The following RPL7A variants were observed in gnomAD, a reference collection of about 807,000 sequenced individuals.
RPL7A encodes the protein large ribosomal subunit protein eL8.
For synonymous variants in RPL7A, 158 were observed against 128.2 expected, an observed-to-expected ratio of 1.23 and a Z score of -1.57; for missense variants, 291 against 338.2, an observed-to-expected ratio of 0.86 and a Z score of 1.09.
chr9:133,349,487 T>TG (rs1480844639), intron 2 of RPL7A, 64 bp from the exon 3 acceptor site: 1 of 1,604,318 alleles, frequency 6.2e-7, no homozygotes, highest in Non-Finnish European at 8.5e-7. Flanking sequence ...CCCTTCCTAG[T>TG]GGCCCCAGAC....
At chr9:133,349,809 T>G (rs1302820338) in intron 3 of RPL7A, 103 bp from the exon 4 acceptor site, 2 of 1,579,032 alleles carry the variant, frequency 1.3e-6, no homozygotes, top group Non-Finnish European at 1.7e-6. Context: ...GTCATTAAAT[T>G]ATAGTCATAT....
At chr9:133,350,828 A>C in intron 6 of RPL7A, 101 bp downstream of exon 6, 1 of 1,576,704 alleles carries the variant, frequency 6.3e-7, no homozygotes, top group Non-Finnish European at 8.7e-7. Context: ...AGTTTAAGAA[A>C]TATATTTATC....
rs2129988903 is a variant in RPL7A at position 133,349,830 on chromosome 9, C to T, written c.275-82C>T. The T allele has an allele frequency of 3.2e-6, 5 of 1,585,278 alleles. No homozygotes were observed. In the African/African-American group the frequency reaches 6.8e-5, roughly 21 times the overall value. Reference sequence around the variant, plus strand: ...AAATTATAGTCATATAGCAGGACCGCAGTCCAGCATTTGTTATTAAGTGTT... The same window carrying T: ...AAATTATAGTCATATAGCAGGACCGTAGTCCAGCATTTGTTATTAAGTGTT... On this transcript the variant is annotated intron_variant, in intron 3 of 7. Transcript: ENST00000323345.
chr9:133,350,430 A>T (rs1836359500), intron 5 of RPL7A, 111 bp downstream of exon 5: 1 of 1,491,954 alleles, frequency 6.7e-7, no homozygotes, highest in East Asian at 2.3e-5. Flanking sequence ...GGCAGTACTG[A>T]CACAGATCCA....
intron 5 of RPL7A, 120 bp from the exon 6 acceptor site, chr9:133,350,477 A>T (rs2129994000): frequency 6.4e-7 from 1 of 1,551,572 alleles, no homozygotes; most frequent in Non-Finnish European, 8.9e-7. Context: ...TGAATCTCTC[A>T]CTGAATTCAA....
In RPL7A at chr9:133,350,056, A is replaced by G. The variant is rs1836346702; in HGVS notation, c.415+4A>G. 6.2e-7 allele frequency: 1 copy of G among 1,613,804 alleles called. No homozygotes were observed. The highest frequency in any genetic ancestry group is 8.5e-7 in the Non-Finnish European group (1 of 1,180,044). On this transcript the variant is annotated splice_donor_region_variant and intron_variant, in intron 4 of 7. Transcript: ENST00000323345. ...AGACCACCTGTCCTTCGAGCAGGTG[A>G]GTAGGCCCCACCTTAGGGTGAACAC...
At position 133,351,325 on chromosome 9, in the gene RPL7A, G is replaced by C. The variant is rs748690917; in HGVS notation, c.760G>C (p.Glu254Gln). 1.2e-6 allele frequency: 2 copies of C among 1,613,562 alleles called. No individual in the cohort carries two copies. Among genetic ancestry groups the C allele is most frequent in the African/African-American group, 1.3e-5 (1 of 74,922 alleles). ...PKSVARIAKL[E>Q]KAKAKELATK... ...GTCTGTGGCTCGTATCGCCAAGCTC[G>C]AAAAGGCAAAGGCTAAAGAACTTGC... Residue 254 changes from glutamate (E) to glutamine (Q), a missense_variant, in exon 8 of 8, where the codon GAA becomes CAA. By Grantham distance (29) the Glu-to-Gln change is conservative (BLOSUM62 2). Transcript: ENST00000323345.
rs1588683259 is a variant in RPL7A at position 133,348,523 on chromosome 9, C to A, written c.3+277C>A. 6.6e-5 allele frequency: 40 copies of A among 602,612 alleles called. No homozygotes were observed. In the East Asian group the frequency reaches 1.1e-3, roughly 17 times the overall value. 37.3% of individuals were successfully genotyped at this position (602,612 alleles called of 1,614,324 possible). A position where few individuals can be genotyped will look rare whatever the true frequency, so the allele number is the denominator to read the frequency against. On this transcript the variant is annotated intron_variant, in intron 1 of 7. Transcript: ENST00000323345. ...AGGCCTGGAGCACCGCAGTGCGGGG[C>A]TCGGAGCCCTAGCGTCTCTCGGGCT...
chr9:133,350,926 G>C (rs1344473073), intron 6 of RPL7A, 76 bp from the exon 7 acceptor site: 1 of 1,544,672 alleles, frequency 6.5e-7, no homozygotes, highest in East Asian at 2.2e-5. Flanking sequence ...ACTGTCTTGA[G>C]CTAAAAGGTA....
chr9:133,349,412 G>T (rs2129985733), intron 2 of RPL7A, 139 bp from the exon 3 acceptor site: 27 of 1,083,730 alleles, frequency 2.5e-5, no homozygotes, highest in South Asian at 2.3e-4. Flanking sequence ...TGATGTAAAA[G>T]AATATTTGCT....
chr9:133,348,483 A>C, intron 1 of RPL7A: 2 of 623,196 alleles, frequency 3.2e-6, no homozygotes, highest in Non-Finnish European at 5.6e-6. Context: ...CCGGTGTCGC[A>C]GGGCTGGGTG....
intron 2 of RPL7A, 88 bp from the exon 3 acceptor site, chr9:133,349,463 C>T (rs2129986288): frequency 1.8e-5 from 28 of 1,514,084 alleles, no homozygotes; most frequent in African/African-American, 4.1e-5. Context: ...ACCAAGATCG[C>T]TGATGCACCA....
At chr9:133,348,332 C>T in intron 1 of RPL7A, 86 bp downstream of exon 1, 1 of 1,551,710 alleles carries the variant, frequency 6.4e-7, no homozygotes, top group South Asian at 1.1e-5. Flanking sequence ...CTCGGAGGGC[C>T]TCCTGCTCCT....
intron 2 of RPL7A, 47 bp from the exon 3 acceptor site, chr9:133,349,504 T>C: frequency 1.2e-6 from 2 of 1,613,714 alleles, no homozygotes; most frequent in Non-Finnish European, 1.7e-6. Flanking sequence ...AGACATGAAC[T>C]TGACATGGAA....
chr9:133,348,374 C>G, intron 1 of RPL7A, 128 bp downstream of exon 1: 5 of 1,308,622 alleles, frequency 3.8e-6, no homozygotes, highest in Non-Finnish European at 5.5e-6. Context: ...CTCGGTGTGG[C>G]ACGGAGACAC....
intron 1 of RPL7A, 41 bp downstream of exon 1, chr9:133,348,287 G>C: frequency 6.2e-7 from 1 of 1,613,982 alleles, no homozygotes; most frequent in Non-Finnish European, 8.5e-7. Flanking sequence ...GCCAGGTTCC[G>C]GCTGTATCCG....
rs2129991951 is a variant in RPL7A, at chr9:133,350,187, C to G, written c.416-53C>G. 7.4e-6 allele frequency: 12 copies of G among 1,611,232 alleles called. No individual in the cohort carries two copies. In the African/African-American group the frequency reaches 1.6e-4, roughly 22 times the overall value. On this transcript the variant is annotated intron_variant, in intron 4 of 7. Coordinates refer to ENST00000323345, the MANE Select transcript of RPL7A (RefSeq NM_000972.3). ...AGTCAGCAGCTGAGCCCAGCAGCTT[C>G]TTGTGACTAGAGCAGGCCCTGTGAG...
At position 133,348,799 on chromosome 9, in the gene RPL7A, G is replaced by C; in HGVS notation, c.4-123G>C. 2.0e-6 allele frequency: 3 copies of C among 1,489,674 alleles called. No homozygotes were observed. The South Asian group carries it at 3.4e-5, about 17-fold the overall frequency. 92.3% of individuals were successfully genotyped at this position (1,489,674 alleles called of 1,614,324 possible). ...TGGTGCTGGGGGGTTGCAGAAAGCTGCTCGCCAGCTTAGTTCAGGCAGGTG... is the reference window on the plus strand; with the variant it reads ...TGGTGCTGGGGGGTTGCAGAAAGCTCCTCGCCAGCTTAGTTCAGGCAGGTG... On this transcript the variant is annotated intron_variant, in intron 1 of 7. Transcript: ENST00000323345.
At chr9:133,350,190 G>A (rs1222349305) in intron 4 of RPL7A, 50 bp from the exon 5 acceptor site, 31 of 1,611,812 alleles carry the variant, frequency 1.9e-5, no homozygotes, top group Non-Finnish European at 2.6e-5. Flanking sequence ...GCAGCTTCTT[G>A]TGACTAGAGC....
Sources: allele counts gnomAD v4.1 joint callset, GRCh38; gene constraint gnomAD v4.1.1; transcripts MANE v1.5; gene names NCBI Gene and HGNC (gene_info 2026-07-23, HGNC 2026-07-21).